The following RMDN2 variants were observed in gnomAD, a reference collection of about 807,000 sequenced individuals.
RMDN2 encodes the protein regulator of microtubule dynamics 2.
RMDN2 carries 61 observed loss-of-function variants against 52.8 expected under a neutral mutation model. That is an observed-to-expected ratio of 1.16 (90% confidence interval 0.94 to 1.43). The LOEUF is 1.43. Among genes scored for constraint, RMDN2 ranks in the 40% most tolerant of loss-of-function variants. The pLI is 0.00. For missense variants in RMDN2, 592 were observed against 475.3 expected (o/e 1.25, Z -2.28); for synonymous variants, 180 against 153.1 (o/e 1.18, Z -1.30).
downstream of RMDN2, among the ~76,000 whole-genome samples, chr2:38,019,903 C>T (rs965561193): frequency 6.6e-6 from 1 of 152,078 alleles, no homozygotes; most frequent in African/African-American, 2.4e-5. Context: ...CCACTCTCCA[C>T]AGCACTCTGG....
chr2:37,985,411 A>C (rs1371975863), intron 5 of RMDN2, among the ~76,000 whole-genome samples: 2 of 150,236 alleles, frequency 1.3e-5, no homozygotes, highest in East Asian at 3.9e-4. Flanking sequence ...TTGCTAGTAG[A>C]GTAGGGAAAT....
At chr2:37,939,739 T>G (rs1290562902) in intron 2 of RMDN2, among the ~76,000 whole-genome samples, 1 of 152,206 alleles carries the variant, frequency 6.6e-6, no homozygotes, top group Non-Finnish European at 1.5e-5. Flanking sequence ...TCCATTTGCT[T>G]TGTAAATCAT....
chr2:38,001,577 G>C (rs899980889), intron 8 of RMDN2, among the ~76,000 whole-genome samples: 4 of 152,210 alleles, frequency 2.6e-5, no homozygotes, highest in African/African-American at 9.6e-5. Flanking sequence ...TGGGTGTTAA[G>C]CTATATATCC....
At chr2:38,034,682 G>C (rs182947385) in intron 10 of RMDN2, among the ~76,000 whole-genome samples, 2 of 150,846 alleles carry the variant, frequency 1.3e-5, no homozygotes, top group African/African-American at 4.8e-5. Flanking sequence ...GCTTGAATCG[G>C]TTGTAAAAAT....
intron 7 of RMDN2, among the ~76,000 whole-genome samples, chr2:37,992,756 C>T (rs1011245102): frequency 1.8e-4 from 28 of 152,104 alleles, no homozygotes; most frequent in African/African-American, 6.8e-4. Context: ...CTAATGTGTA[C>T]GTGGCTCTTG....
intron 10 of RMDN2, among the ~76,000 whole-genome samples, chr2:38,032,422 A>G (rs529884011): frequency 1.3e-5 from 2 of 152,374 alleles, no homozygotes; most frequent in Non-Finnish European, 2.9e-5. Context: ...GTATATATCA[A>G]TAGTTCATTC....
upstream of RMDN2, among the ~76,000 whole-genome samples, chr2:37,921,499 C>T (rs1666030682): frequency 6.6e-6 from 1 of 152,216 alleles, no homozygotes; most frequent in African/African-American, 2.4e-5. Flanking sequence ...TTGTGGTAAA[C>T]TGCAGAAAAC....
At chr2:38,059,794 C>T (rs1681969717) in intron 10 of RMDN2, among the ~76,000 whole-genome samples, 1 of 152,202 alleles carries the variant, frequency 6.6e-6, no homozygotes. Flanking sequence ...AACTCCCCTA[C>T]ACTCTGTTGC....
intron 10 of RMDN2, chr2:38,030,690 G>C (rs925786078): frequency 1.3e-5 from 2 of 152,152 alleles, no homozygotes; most frequent in African/African-American, 4.8e-5. Flanking sequence ...TACTCACTAA[G>C]ATAGTTTAAG....
At chr2:37,981,386 C>T in intron 5 of RMDN2, 43 bp downstream of exon 5, 1 of 1,261,262 alleles carries the variant, frequency 7.9e-7, no homozygotes, top group Non-Finnish European at 1.1e-6. Flanking sequence ...TTCTAACCTG[C>T]CTCTTTATAA....
intron 10 of RMDN2, among the ~76,000 whole-genome samples, chr2:38,015,575 A>G (rs1483872989): frequency 6.6e-6 from 1 of 151,962 alleles, no homozygotes; most frequent in Non-Finnish European, 1.5e-5. Flanking sequence ...AAAAAAAAAA[A>G]AAAGAAAAAA....
intron 2 of RMDN2, among the ~76,000 whole-genome samples, chr2:37,971,922 A>G (rs545551006): frequency 3.9e-5 from 6 of 152,324 alleles, no homozygotes; most frequent in East Asian, 3.9e-4. Context: ...CATTGAATCT[A>G]TAGATTAACC....
downstream of RMDN2, among the ~76,000 whole-genome samples, chr2:38,018,627 T>A (rs1233176662): frequency 1.3e-5 from 2 of 152,174 alleles, no homozygotes; most frequent in African/African-American, 4.8e-5. Context: ...ATACATAGGA[T>A]CTCAACAGTA....
intron 2 of RMDN2, among the ~76,000 whole-genome samples, chr2:37,943,892 T>C (rs939885880): frequency 1.3e-5 from 2 of 152,178 alleles, no homozygotes; most frequent in Non-Finnish European, 2.9e-5. Flanking sequence ...ATCTTTGCTC[T>C]GCACGGTCAC....
chr2:37,982,287 G>A (rs1164809820), intron 5 of RMDN2, among the ~76,000 whole-genome samples: 2 of 152,142 alleles, frequency 1.3e-5, no homozygotes, highest in East Asian at 1.9e-4. Context: ...CCACCAGCAG[G>A]GGGAGCTCCA....
chr2:37,939,391 T>C (rs1325716418), intron 2 of RMDN2, among the ~76,000 whole-genome samples: 1 of 152,204 alleles, frequency 6.6e-6, no homozygotes, highest in African/African-American at 2.4e-5. Flanking sequence ...GAGAGTTCTA[T>C]AGATGTCTAT....
At chr2:38,040,300 G>C (rs1171273126) in intron 10 of RMDN2, among the ~76,000 whole-genome samples, 4 of 152,056 alleles carry the variant, frequency 2.6e-5, no homozygotes, top group African/African-American at 9.7e-5. Flanking sequence ...GCTATGGTCT[G>C]CATGTTGGCA....
At chr2:38,010,300 C>T (rs905642021) in intron 10 of RMDN2, among the ~76,000 whole-genome samples, 1 of 152,206 alleles carries the variant, frequency 6.6e-6, no homozygotes, top group African/African-American at 2.4e-5. Context: ...CTAAGCCCTG[C>T]CCCCAGAGGT....
intron 10 of RMDN2, among the ~76,000 whole-genome samples, chr2:38,050,360 A>G (rs9749902): frequency 2.1e-5 from 3 of 142,072 alleles, no homozygotes; most frequent in African/African-American, 8.4e-5. Context: ...AAAAAAAAAT[A>G]AAAAAAAAAC....
Sources: gnomAD v4.1 joint callset for allele counts (sites outside exome capture counted in the v4.1 genomes callset) on GRCh38, gnomAD v4.1.1 for gene constraint, MANE v1.5 for transcripts, NCBI Gene and HGNC (gene_info 2026-07-23, HGNC 2026-07-21) for gene names.